PKIG: variants seen among roughly 807,000 people sequenced by gnomAD.
The protein encoded by PKIG is protein kinase (cAMP-dependent, catalytic) inhibitor gamma.
PKIG carries 1 observed loss-of-function variant against 6.8 expected under a neutral mutation model. The ratio of observed to expected loss-of-function variants is 0.15; its 90% CI spans 0.05 to 0.69. The LOEUF is 0.69. Ranked by LOEUF, PKIG falls within the 30% of genes least tolerant of loss-of-function variation. The probability of loss-of-function intolerance (pLI) is 0.82; values close to 1 mark genes in which losing one functional copy is unlikely to be tolerated. For missense variants in PKIG, 77 were observed against 104.0 expected (o/e 0.74, Z 1.13); for synonymous variants, 39 against 43.0 (o/e 0.91, Z 0.36).
intron 1 of PKIG, among the ~76,000 whole-genome samples, chr20:44,546,051 A>T (rs530885844): frequency 3.9e-5 from 6 of 152,128 alleles, no homozygotes; most frequent in Non-Finnish European, 8.8e-5. Flanking sequence ...AGTTCGAGAC[A>T]CAAGCCTGGG....
chr20:44,534,297 C>T (rs1197091144), intron 1 of PKIG, among the ~76,000 whole-genome samples: 4 of 152,092 alleles, frequency 2.6e-5, no homozygotes, highest in Non-Finnish European at 4.4e-5. Flanking sequence ...AGTCTGATGC[C>T]TGTTACTTTT....
chr20:44,616,246 C>G (rs1200870715), intron 3 of PKIG, among the ~76,000 whole-genome samples: 1 of 152,186 alleles, frequency 6.6e-6, no homozygotes, highest in African/African-American at 2.4e-5. Flanking sequence ...CGGGGAGGCA[C>G]CTCTTCTCCC....
intron 2 of PKIG, among the ~76,000 whole-genome samples, chr20:44,602,756 A>T (rs1362584648): frequency 1.3e-5 from 2 of 151,374 alleles, no homozygotes; most frequent in African/African-American, 4.9e-5. Flanking sequence ...CAGGAAAAGC[A>T]CTTGAACCGG....
At chr20:44,586,511 C>T (rs1284042040) in intron 1 of PKIG, among the ~76,000 whole-genome samples, 1 of 152,144 alleles carries the variant, frequency 6.6e-6, no homozygotes, top group African/African-American at 2.4e-5. Flanking sequence ...GTGCTGAGGC[C>T]AAAAGCAGAA....
At chr20:44,581,701 T>C (rs936837139), upstream of PKIG, among the ~76,000 whole-genome samples, 2 of 152,206 alleles carry the variant, frequency 1.3e-5, no homozygotes, top group Admixed American at 1.3e-4. Context: ...TGAATTCTTT[T>C]GGTTTTACTC....
At chr20:44,537,569 TA>T (rs1274260314) in intron 1 of PKIG, among the ~76,000 whole-genome samples, 1 of 151,224 alleles carries the variant, frequency 6.6e-6, no homozygotes, top group Non-Finnish European at 1.5e-5. Flanking sequence ...CAGTCTCCTG[TA>T]AATATACTTA....
At chr20:44,579,709 C>T (rs17829335), upstream of PKIG, among the ~76,000 whole-genome samples, 10,366 of 152,272 alleles carry the variant, frequency 0.068, 385 homozygotes, top group South Asian at 0.15. Context: ...GTTCTGTCTT[C>T]CGGGATTCTG....
chr20:44,603,638 G>A (rs1016184470), intron 2 of PKIG, among the ~76,000 whole-genome samples: 2 of 152,220 alleles, frequency 1.3e-5, no homozygotes, highest in African/African-American at 4.8e-5. Flanking sequence ...CCCTTTCTGA[G>A]CCTCCGTTTC....
chr20:44,551,398 T>C (rs1346494219), intron 1 of PKIG, among the ~76,000 whole-genome samples: 1 of 152,176 alleles, frequency 6.6e-6, no homozygotes, highest in Non-Finnish European at 1.5e-5. Context: ...GGAAAATACA[T>C]TGCCTCTAAA....
chr20:44,560,438 A>G (rs2064756771), intron 1 of PKIG, among the ~76,000 whole-genome samples: 1 of 152,208 alleles, frequency 6.6e-6, no homozygotes, highest in South Asian at 2.1e-4. Flanking sequence ...GTGAAAAGGG[A>G]AGTCCAAGTT....
At position 44,536,399 on chromosome 20, in the gene PKIG, A is replaced by G. The variant is rs2064512571; in HGVS notation, c.-241+4421A>G. Among the ~76,000 whole-genome samples, 3 of 152,162 alleles carry G rather than the reference A, an allele frequency of 2.0e-5. No individual in the cohort carries two copies. The South Asian group carries it at 6.2e-4, about 31-fold the overall frequency. ...ATAATCAGAAAAAAAATGAGGAAGT[A>G]TCTTCTTTAGGAGGCTGGGGAAATA... On this transcript the variant is annotated intron_variant, in intron 1 of 4. Coordinates refer to the PKIG transcript ENST00000372887.
At chr20:44,538,274 T>A (rs1278161873) in intron 1 of PKIG, among the ~76,000 whole-genome samples, 1 of 152,212 alleles carries the variant, frequency 6.6e-6, no homozygotes, top group Admixed American at 6.5e-5. Flanking sequence ...TGTAAATCCA[T>A]GATATCATTT....
intron 1 of PKIG, among the ~76,000 whole-genome samples, chr20:44,572,669 C>G (rs923672799): frequency 1.3e-5 from 2 of 152,070 alleles, no homozygotes; most frequent in Admixed American, 6.6e-5. Flanking sequence ...GATTGCTGGG[C>G]TATAAATAGT....
At chr20:44,599,351 T>C (rs578167443) in intron 2 of PKIG, among the ~76,000 whole-genome samples, 1 of 152,340 alleles carries the variant, frequency 6.6e-6, no homozygotes, top group East Asian at 1.9e-4. Context: ...TATGGGATAA[T>C]GATACTTTCT....
At chr20:44,603,007 C>T (rs2065135110) in intron 2 of PKIG, among the ~76,000 whole-genome samples, 1 of 152,180 alleles carries the variant, frequency 6.6e-6, no homozygotes, top group Non-Finnish European at 1.5e-5. Flanking sequence ...GCCGCACATT[C>T]TTTGCTCTTC....
intron 3 of PKIG, among the ~76,000 whole-genome samples, chr20:44,615,686 T>A (rs946113426): frequency 5.9e-5 from 9 of 152,200 alleles, no homozygotes; most frequent in African/African-American, 1.7e-4. Context: ...TGCAACTGTC[T>A]CCCCGTGGGC....
At chr20:44,550,141 C>T (rs971605906) in intron 1 of PKIG, among the ~76,000 whole-genome samples, 1 of 148,460 alleles carries the variant, frequency 6.7e-6, no homozygotes, top group Non-Finnish European at 1.5e-5. Flanking sequence ...ATGTGCTTAC[C>T]ATTGTGCTGT....
intron 1 of PKIG, among the ~76,000 whole-genome samples, chr20:44,569,699 C>T (rs758428891): frequency 9.2e-5 from 14 of 152,122 alleles, no homozygotes; most frequent in East Asian, 3.9e-4. Flanking sequence ...CTCGGCCTCC[C>T]GAGTTCAAGA....
Position 44,545,152 on chromosome 20 carries a change from T to A in PKIG, c.-241+13174T>A, listed in dbSNP as rs145392687. ...GGTTTTGCCATGTTGGCCAGGCCAGTCTCGAACTCCTGACCTCAGGTGATC... is the reference window on the plus strand; with the variant it reads ...GGTTTTGCCATGTTGGCCAGGCCAGACTCGAACTCCTGACCTCAGGTGATC... On this transcript the variant is annotated intron_variant, in intron 1 of 4. Coordinates refer to the PKIG transcript ENST00000372887. Among the ~76,000 whole-genome samples the A allele has an allele frequency of 6.6e-3, 1,001 of 152,072 alleles. 12 individuals carry two copies. The highest frequency in any genetic ancestry group is 0.027 in the East Asian group (138 of 5,166).
Sources: gnomAD v4.1 joint callset for allele counts (sites outside exome capture counted in the v4.1 genomes callset) on GRCh38, gnomAD v4.1.1 for gene constraint, MANE v1.5 for transcripts, NCBI Gene and HGNC (gene_info 2026-07-23, HGNC 2026-07-21) for gene names.